Variants in ZSWIM6 observed in about 807,000 individuals in gnomAD.
ZSWIM6 encodes zinc finger SWIM domain-containing protein 6.
ZSWIM6 carries 9 observed loss-of-function variants against 113.2 expected under a neutral mutation model. That is an observed-to-expected ratio of 0.08 (90% CI 0.05 to 0.14). The LOEUF is 0.14. ZSWIM6 is among the 10% of genes least tolerant of loss of function. ZSWIM6 has a pLI of 1.00. For missense variants in ZSWIM6, 1,162 were observed against 1,552.2 expected (o/e 0.75, Z 4.22); for synonymous variants, 611 against 606.5 (o/e 1.01, Z -0.11).
At chr5:61,456,328 A>T (rs1747204300) in intron 1 of ZSWIM6, among the ~76,000 whole-genome samples, 2 of 152,220 alleles carry the variant, frequency 1.3e-5, no homozygotes, top group Non-Finnish European at 2.9e-5. Context: ...TTTTAAGGCT[A>T]ATACTTCTCA....
At chr5:61,420,640 A>G (rs1236974240) in intron 1 of ZSWIM6, among the ~76,000 whole-genome samples, 1 of 152,092 alleles carries the variant, frequency 6.6e-6, no homozygotes, top group East Asian at 1.9e-4. Flanking sequence ...ATTTGATTTG[A>G]TAATTGATTA....
Position 61,332,484 on chromosome 5 carries a change from C to T in ZSWIM6, c.212C>T (p.Thr71Ile). 3 of 1,230,082 alleles carry T rather than the reference C, an allele frequency of 2.4e-6. No individual in the cohort carries two copies. Among genetic ancestry groups the T allele is most frequent in the Non-Finnish European group, 2.1e-6 (2 of 956,174 alleles). The allele number at this position is 1,230,082 out of a possible 1,614,324, so 76.2% of individuals were successfully genotyped here. A position where few individuals can be genotyped will look rare whatever the true frequency, so the allele number is the denominator to read the frequency against. ...AALGLLPPGK[T>I]QSPESLLDIA... ...CTGGGGTTGCTGCCGCCGGGCAAGA[C>T]CCAGAGCCCCGAGTCGCTGCTGGAC... The change falls in exon 1 of 14, where the codon ACC becomes ATC. Residue 71 changes from threonine (T) to isoleucine (I), a missense_variant. By Grantham distance (89) the Thr-to-Ile change is moderately conservative. Around this residue, in one of 4 missense-constraint regions of ZSWIM6, gnomAD observed 333 missense variants for 293.4 expected, o/e 1.13. Transcript: ENST00000252744.
At chr5:61,517,177 A>G (rs990492326) in intron 4 of ZSWIM6, among the ~76,000 whole-genome samples, 4 of 152,028 alleles carry the variant, frequency 2.6e-5, no homozygotes, top group African/African-American at 7.2e-5. Flanking sequence ...GTAAGTTCAT[A>G]TCTTTCTCCA....
Position 61,406,616 on chromosome 5 carries a change from C to T in ZSWIM6, c.677-66065C>T, listed in dbSNP as rs1265811373. On this transcript the variant is annotated intron_variant, in intron 1 of 13. Coordinates refer to ENST00000252744, the MANE Select transcript of ZSWIM6 (RefSeq NM_020928.2). The stretch of plus-strand genomic sequence containing the variant: ...CATAATTAGTCAGAAGTAATATTTC[C>T]GAGTAGGTATTTACTTTCAAAAAGC... Among the ~76,000 whole-genome samples, 7 of 152,000 alleles carry T rather than the reference C, an allele frequency of 4.6e-5. No individual in the cohort carries two copies. The South Asian group carries it at 6.2e-4, about 14-fold the overall frequency.
chr5:61,484,848 C>T (rs567104448), intron 2 of ZSWIM6, among the ~76,000 whole-genome samples: 1 of 152,060 alleles, frequency 6.6e-6, no homozygotes, highest in Non-Finnish European at 1.5e-5. Flanking sequence ...GTATGTTCAT[C>T]GGCAGAAAAA....
intron 3 of ZSWIM6, 58 bp downstream of exon 3, chr5:61,490,992 T>C: frequency 7.0e-7 from 1 of 1,419,090 alleles, no homozygotes; most frequent in Non-Finnish European, 9.3e-7. Flanking sequence ...AGGGACTATC[T>C]GAATATGATC....
intron 4 of ZSWIM6, among the ~76,000 whole-genome samples, chr5:61,520,669 G>A (rs1400673751): frequency 2.0e-5 from 3 of 151,712 alleles, no homozygotes; most frequent in African/African-American, 4.8e-5. Context: ...TTTTACTGAC[G>A]GATAAATATG....
intron 1 of ZSWIM6, among the ~76,000 whole-genome samples, chr5:61,336,090 C>T (rs1483847589): frequency 2.0e-5 from 3 of 151,924 alleles, no homozygotes; most frequent in African/African-American, 7.3e-5. Flanking sequence ...TGGTTAAACC[C>T]TGTCCCTACC....
chr5:61,393,839 T>C (rs1023182044), intron 1 of ZSWIM6, among the ~76,000 whole-genome samples: 43 of 152,180 alleles, frequency 2.8e-4, no homozygotes, highest in Non-Finnish European at 2.9e-5. Context: ...TCTGGTTTTT[T>C]GTAAATTTTT....
Position 61,519,237 on chromosome 5 carries a change from A to G in ZSWIM6, c.1334-2026A>G, listed in dbSNP as rs78933765. Among the ~76,000 whole-genome samples, 982 of 152,320 alleles carry G rather than the reference A, an allele frequency of 6.4e-3. 8 individuals carry two copies. Among genetic ancestry groups the G allele is most frequent in the African/African-American group, 0.02 (851 of 41,572 alleles). The stretch of plus-strand genomic sequence containing the variant: ...GGTTATGCTGCCTTGGATCTGTCTC[A>G]TGCACATGAAGTGTGACCAGGACTT... On this transcript the variant is annotated intron_variant, in intron 4 of 13. Transcript: ENST00000252744.
intron 7 of ZSWIM6, 144 bp downstream of exon 7, chr5:61,526,540 C>T: frequency 9.7e-7 from 1 of 1,027,380 alleles, no homozygotes; most frequent in Non-Finnish European, 1.4e-6. Context: ...AATGGCTGAT[C>T]TGTGAGAAAT....
rs529838870 is a variant in ZSWIM6 at position 61,439,796 on chromosome 5, C to T, written c.677-32885C>T. 3.3e-5 allele frequency among the ~76,000 whole-genome samples: 5 copies of T among 152,226 alleles called. No individual in the cohort carries two copies. The South Asian group carries it at 1.0e-3, about 32-fold the overall frequency. ...AGAATATACGTAGCTTTTAAGTTTA[C>T]TAGATAAGTGATTTTCCAATTTAAA... On this transcript the variant is annotated intron_variant, in intron 1 of 13. Transcript: ENST00000252744.
chr5:61,431,919 T>C (rs761856819), intron 1 of ZSWIM6, among the ~76,000 whole-genome samples: 4 of 152,248 alleles, frequency 2.6e-5, no homozygotes, highest in Non-Finnish European at 5.9e-5. Flanking sequence ...TTTTGTTTTT[T>C]TTCTTTTTTG....
intron 4 of ZSWIM6, among the ~76,000 whole-genome samples, chr5:61,508,264 C>A (rs1748680567): frequency 6.6e-6 from 1 of 151,828 alleles, no homozygotes; most frequent in Non-Finnish European, 1.5e-5. Context: ...ATCTTTGCAC[C>A]CTAAAGACAT....
At chr5:61,510,378 C>T (rs1455603511) in intron 4 of ZSWIM6, among the ~76,000 whole-genome samples, 1 of 151,944 alleles carries the variant, frequency 6.6e-6, no homozygotes, top group Non-Finnish European at 1.5e-5. Flanking sequence ...AATGGCTTGC[C>T]ATGACTATTA....
chr5:61,411,046 G>C (rs1431708639), intron 1 of ZSWIM6, among the ~76,000 whole-genome samples: 1 of 152,186 alleles, frequency 6.6e-6, no homozygotes, highest in East Asian at 1.9e-4. Flanking sequence ...TGGCAACCTG[G>C]TGTGGATGCT....
chr5:61,422,381 A>G (rs942596451), intron 1 of ZSWIM6, among the ~76,000 whole-genome samples: 2 of 152,180 alleles, frequency 1.3e-5, no homozygotes, highest in Admixed American at 1.3e-4. Flanking sequence ...CACTGTAGAT[A>G]TATGGATTCA....
At chr5:61,355,494 ACACT>A (rs1452720969) in intron 1 of ZSWIM6, among the ~76,000 whole-genome samples, 4 of 136,108 alleles carry the variant, frequency 2.9e-5, no homozygotes, top group African/African-American at 8.3e-5. Context: ...ACACACACAC[ACACT>A]ATTAGATGGC....
chr5:61,342,138 C>T (rs555979039), intron 1 of ZSWIM6, among the ~76,000 whole-genome samples: 1 of 152,236 alleles, frequency 6.6e-6, no homozygotes, highest in South Asian at 2.1e-4. Context: ...CCTCGGCCTC[C>T]TAAAATGCTA....
Sources: allele counts gnomAD v4.1 joint callset (sites outside exome capture counted in the v4.1 genomes callset), GRCh38; gene constraint gnomAD v4.1.1; regional missense constraint gnomAD v4.1.1; transcripts MANE v1.5; gene names NCBI Gene and HGNC (gene_info 2026-07-23, HGNC 2026-07-21).